Variants in POR observed in about 807,000 individuals in gnomAD.
POR encodes NADPH--cytochrome P450 reductase.
POR carries 56 observed loss-of-function variants against 84.0 expected under a neutral mutation model. The observed-to-expected ratio is 0.67, with a 90% CI of 0.54 to 0.83. POR has a LOEUF of 0.83. Ranked by LOEUF, POR falls within the 40% of genes least tolerant of loss-of-function variation. POR has a pLI of 0.00. For synonymous variants in POR, 414 were observed against 400.5 expected (o/e 1.03, Z -0.40); for missense variants, 938 against 944.3 (o/e 0.99, Z 0.09).
chr7:75,977,991 T>G (rs1304629895), intron 3 of POR, among the ~76,000 whole-genome samples: 1 of 152,150 alleles, frequency 6.6e-6, no homozygotes, highest in Non-Finnish European at 1.5e-5. Flanking sequence ...TTCAGGCTTT[T>G]CAACAGCTGC....
intron 1 of POR, among the ~76,000 whole-genome samples, chr7:75,932,039 G>A (rs1223816920): frequency 6.6e-6 from 1 of 152,192 alleles, no homozygotes; most frequent in Admixed American, 6.5e-5. Context: ...CTTCAGCTTA[G>A]CAGCGTGCCT....
rs1789102493 is a variant in POR at position 75,982,335 on chromosome 7, AG to A, written c.830+14del. The A allele has an allele frequency of 6.2e-7, 1 of 1,603,798 alleles. No homozygotes were observed. Among genetic ancestry groups the A allele is most frequent in the Non-Finnish European group, 8.5e-7 (1 of 1,174,968 alleles). On this transcript the variant is annotated intron_variant, in intron 8 of 15. Transcript: ENST00000461988. ...AGAACCAGAAGCCGTGAGTGGAGGG[AG>A]CGTGGCTTGGGGCAGACGGCTCTAT...
chr7:75,922,404 A>G (rs917839481), intron 1 of POR, among the ~76,000 whole-genome samples: 2 of 151,058 alleles, frequency 1.3e-5, no homozygotes, highest in African/African-American at 4.9e-5. Context: ...GCTCACTGCA[A>G]CCTCTGCCTC....
At chr7:75,918,462 G>A (rs1806687654) in intron 1 of POR, among the ~76,000 whole-genome samples, 1 of 152,172 alleles carries the variant, frequency 6.6e-6, no homozygotes, top group African/African-American at 2.4e-5. Context: ...CCAAGCCTTA[G>A]TTTCTTCATC....
Position 75,935,590 on chromosome 7 carries a change from C to T in POR, c.-4-18399C>T, listed in dbSNP as rs797031321. 3.3e-5 allele frequency among the ~76,000 whole-genome samples: 5 copies of T among 149,288 alleles called. 1 individual carries two copies. The highest frequency in any genetic ancestry group is 1.2e-4 in the African/African-American group (5 of 40,602). On this transcript the variant is annotated intron_variant, in intron 1 of 15. Coordinates refer to ENST00000461988, the MANE Select transcript of POR (RefSeq NM_000941.3). ...TTGAGAGGGTTGGTACTTCTCCCTTCCTGCCTTTTTCCAAGGGCTGCTCGG... is the reference window on the plus strand; with the variant it reads ...TTGAGAGGGTTGGTACTTCTCCCTTTCTGCCTTTTTCCAAGGGCTGCTCGG...
At chr7:75,934,122 AGTGTGTGTGTGTGTGT>A (rs58236447) in intron 1 of POR, among the ~76,000 whole-genome samples, 67 of 126,856 alleles carry the variant, frequency 5.3e-4, no homozygotes, top group Middle Eastern at 4.0e-3. Context: ...AAGACCTCAG[AGTGTGTGTGTGTGTGT>A]GTGTGTGTGT....
chr7:75,943,250 C>T (rs1787027263), intron 1 of POR, among the ~76,000 whole-genome samples: 1 of 151,916 alleles, frequency 6.6e-6, no homozygotes, highest in South Asian at 2.1e-4. Flanking sequence ...CGTGCCCGGC[C>T]CTCTCTTTTT....
At chr7:75,982,784 T>G (rs945820963) in intron 8 of POR, among the ~76,000 whole-genome samples, 3 of 152,208 alleles carry the variant, frequency 2.0e-5, no homozygotes, top group Non-Finnish European at 4.4e-5. Flanking sequence ...CCCTGCTTTC[T>G]GTAGGCCTGC....
At chr7:75,944,814 C>G (rs572375710) in intron 1 of POR, among the ~76,000 whole-genome samples, 1 of 152,226 alleles carries the variant, frequency 6.6e-6, no homozygotes, top group South Asian at 2.1e-4. Context: ...AATCCATGAA[C>G]TTGAAGTTAG....
chr7:75,976,303 C>T (rs1028606369), intron 3 of POR, among the ~76,000 whole-genome samples: 2 of 151,922 alleles, frequency 1.3e-5, no homozygotes, highest in African/African-American at 2.4e-5. Context: ...ATTAGCCGGG[C>T]GTGGTGGCAT....
intron 7 of POR, 35 bp downstream of exon 7, chr7:75,981,641 G>A: frequency 6.3e-7 from 1 of 1,585,222 alleles, no homozygotes; most frequent in South Asian, 1.1e-5. Flanking sequence ...TGGGTGGCCT[G>A]GGCGGGTCCT....
chr7:75,925,566 C>T (rs945209046), intron 1 of POR, among the ~76,000 whole-genome samples: 10 of 152,112 alleles, frequency 6.6e-5, no homozygotes, highest in African/African-American at 2.2e-4. Context: ...GGCCTTTACA[C>T]GAGGATCATT....
intron 1 of POR, among the ~76,000 whole-genome samples, chr7:75,950,643 TG>T (rs1419782683): frequency 6.6e-6 from 1 of 152,242 alleles, no homozygotes; most frequent in African/African-American, 2.4e-5. Context: ...ATGTGACAGG[TG>T]GCTCATAAGC....
chr7:75,952,417 AC>A (rs1233103122), intron 1 of POR, among the ~76,000 whole-genome samples: 1 of 96,690 alleles, frequency 1.0e-5, no homozygotes, highest in Non-Finnish European at 2.1e-5. Context: ...CGGGGGGCTG[AC>A]CCCCCCACCT....
intron 2 of POR, among the ~76,000 whole-genome samples, chr7:75,961,647 C>T (rs1055099918): frequency 4.6e-5 from 7 of 152,218 alleles, no homozygotes; most frequent in Non-Finnish European, 5.9e-5. Flanking sequence ...CCCCCACCGC[C>T]GCACCAGTCC....
At chr7:75,954,468 C>T (rs942724216) in intron 2 of POR, among the ~76,000 whole-genome samples, 20 of 152,126 alleles carry the variant, frequency 1.3e-4, no homozygotes, top group Non-Finnish European at 2.4e-4. Context: ...AGAATGTTAA[C>T]GGGCCTGCCA....
intron 12 of POR, 62 bp downstream of exon 12, chr7:75,985,269 A>G: frequency 6.7e-7 from 1 of 1,503,438 alleles, no homozygotes; most frequent in Non-Finnish European, 8.9e-7. Flanking sequence ...CACAGCAGGC[A>G]GAGTGCAAGG....
chr7:75,922,186 A>G (rs1806906752), intron 1 of POR, among the ~76,000 whole-genome samples: 1 of 152,154 alleles, frequency 6.6e-6, no homozygotes, highest in African/African-American at 2.4e-5. Context: ...GGCATAGAAC[A>G]ATGCCAGGCA....
At chr7:75,962,013 C>CAAA (rs782366811) in intron 2 of POR, among the ~76,000 whole-genome samples, 1 of 128,872 alleles carries the variant, frequency 7.8e-6, no homozygotes. Flanking sequence ...GACCCTGTCT[C>CAAA]AAAAAAAAAA....
Sources: allele counts gnomAD v4.1 joint callset (sites outside exome capture counted in the v4.1 genomes callset), GRCh38; gene constraint gnomAD v4.1.1; transcripts MANE v1.5; gene names NCBI Gene and HGNC (gene_info 2026-07-23, HGNC 2026-07-21).